Variants in OPCML observed in about 807,000 individuals in gnomAD.
The protein encoded by OPCML is opioid-binding protein/cell adhesion molecule.
Under a neutral mutation model 37.8 loss-of-function variants are expected in OPCML, and 13 were observed. That is an observed-to-expected ratio of 0.34 (90% CI 0.22 to 0.55). OPCML has a LOEUF of 0.55. Among genes scored for constraint, OPCML ranks in the 20% least tolerant of loss-of-function variants. The pLI is 0.91. For synonymous variants in OPCML, 176 were observed against 168.8 expected (o/e 1.04, Z -0.33); for missense variants, 341 against 435.6 (o/e 0.78, Z 1.93).
intron 2 of OPCML, among the ~76,000 whole-genome samples, chr11:132,825,898 C>T (rs1204331310): frequency 6.6e-6 from 1 of 152,184 alleles, no homozygotes; most frequent in African/African-American, 2.4e-5. Flanking sequence ...ATTACTCTTG[C>T]TTTTCCTGCT....
At chr11:133,100,361 C>G (rs1187997721) in intron 1 of OPCML, among the ~76,000 whole-genome samples, 1 of 152,176 alleles carries the variant, frequency 6.6e-6, no homozygotes, top group Non-Finnish European at 1.5e-5. Flanking sequence ...TCAATATTAT[C>G]AAGATGTCAG....
rs1949021939 is a variant in OPCML, at chr11:133,097,547, G to A, written c.62-154537C>T. On this transcript the variant is annotated intron_variant, in intron 1 of 7. Coordinates refer to ENST00000524381, the MANE Select transcript of OPCML (RefSeq NM_001012393.5). ...ACAAACGTCAATGAAATAGAAAAGA[G>A]AAAATGAACAGAGAAAATCAATGAA... Among the ~76,000 whole-genome samples the A allele has an allele frequency of 2.0e-5, 3 of 151,904 alleles. No homozygotes were observed. In the South Asian group the frequency reaches 6.2e-4, roughly 32 times the overall value.
chr11:133,010,137 T>G (rs1461476653), intron 1 of OPCML, among the ~76,000 whole-genome samples: 1 of 152,202 alleles, frequency 6.6e-6, no homozygotes, highest in East Asian at 1.9e-4. Context: ...CTCAGAAGTC[T>G]CCTCCATAGT....
At chr11:132,677,783 C>CA (rs1371481291) in intron 2 of OPCML, among the ~76,000 whole-genome samples, 1 of 151,968 alleles carries the variant, frequency 6.6e-6, no homozygotes, top group Non-Finnish European at 1.5e-5. Context: ...ACAGATAAAA[C>CA]AAAAAATTCT....
chr11:132,651,834 T>C (rs531803237), intron 3 of OPCML, among the ~76,000 whole-genome samples: 1 of 152,322 alleles, frequency 6.6e-6, no homozygotes, highest in East Asian at 1.9e-4. Context: ...AAGAATTTAA[T>C]AAAATTCATC....
intron 1 of OPCML, among the ~76,000 whole-genome samples, chr11:133,103,704 C>G (rs890569564): frequency 9.9e-5 from 15 of 152,224 alleles, no homozygotes; most frequent in African/African-American, 3.6e-4. Flanking sequence ...CATCTCCCCA[C>G]TCACTATTAC....
rs569838780 is a variant in OPCML, at chr11:133,471,452, G to T, written c.61+60812C>A. 5.3e-5 allele frequency among the ~76,000 whole-genome samples: 8 copies of T among 152,150 alleles called. 1 individual carries two copies. The highest frequency in any genetic ancestry group is 5.2e-4 in the Admixed American group (8 of 15,270). ...GAAGAGACAGACAGAGAGCTAGAGA[G>T]AATATTGGCTTGTATATGCATATAA... On this transcript the variant is annotated intron_variant, in intron 1 of 7. Transcript: ENST00000524381.
At chr11:133,364,085 C>T (rs538253901) in intron 1 of OPCML, among the ~76,000 whole-genome samples, 31 of 152,300 alleles carry the variant, frequency 2.0e-4, no homozygotes, top group Non-Finnish European at 3.5e-4. Flanking sequence ...CCAGCTCCAA[C>T]GTCCCCTTTT....
chr11:133,023,444 T>C (rs1365081215), intron 1 of OPCML, among the ~76,000 whole-genome samples: 1 of 152,192 alleles, frequency 6.6e-6, no homozygotes, highest in Non-Finnish European at 1.5e-5. Context: ...TTAATAAGAA[T>C]GTAGATGAAC....
chr11:133,146,046 A>G (rs1427973825), intron 1 of OPCML, among the ~76,000 whole-genome samples: 2 of 152,194 alleles, frequency 1.3e-5, no homozygotes, highest in Non-Finnish European at 2.9e-5. Context: ...TAGATCCATG[A>G]TTGAAGCGAG....
At chr11:133,057,764 C>A (rs1291319018) in intron 1 of OPCML, among the ~76,000 whole-genome samples, 1 of 152,156 alleles carries the variant, frequency 6.6e-6, no homozygotes, top group Non-Finnish European at 1.5e-5. Context: ...TCTGTTCAAT[C>A]CATTGGGTTT....
intron 2 of OPCML, among the ~76,000 whole-genome samples, chr11:132,935,571 T>C (rs759463380): frequency 6.6e-6 from 1 of 152,216 alleles, no homozygotes; most frequent in Non-Finnish European, 1.5e-5. Flanking sequence ...TTTCTAAAAA[T>C]TGTATTGATC....
At chr11:133,356,714 ACCTGTC>A (rs1944299783) in intron 1 of OPCML, among the ~76,000 whole-genome samples, 2 of 152,164 alleles carry the variant, frequency 1.3e-5, no homozygotes, top group Non-Finnish European at 2.9e-5. Context: ...CTGGCATGGA[ACCTGTC>A]CAGGTTTTGT....
At chr11:133,260,879 T>A (rs1286402474) in intron 1 of OPCML, among the ~76,000 whole-genome samples, 2 of 152,042 alleles carry the variant, frequency 1.3e-5, no homozygotes. Flanking sequence ...ATAGATTTTT[T>A]TTTTTCTGAA....
chr11:132,574,181 C>T (rs2096444596), intron 3 of OPCML, among the ~76,000 whole-genome samples: 1 of 139,988 alleles, frequency 7.1e-6, no homozygotes. Flanking sequence ...AAAGGCAATT[C>T]TTAGTTTCAT....
chr11:133,494,769 C>A (rs1312198202), intron 1 of OPCML, among the ~76,000 whole-genome samples: 3 of 142,040 alleles, frequency 2.1e-5, no homozygotes, highest in Non-Finnish European at 4.5e-5. Context: ...ATACCTAATG[C>A]TAAATGACGA....
intron 1 of OPCML, among the ~76,000 whole-genome samples, chr11:133,017,271 C>T (rs1947351390): frequency 6.6e-6 from 1 of 152,204 alleles, no homozygotes; most frequent in Non-Finnish European, 1.5e-5. Flanking sequence ...AACATCATCA[C>T]ACCTGGACTA....
At chr11:133,008,935 C>A (rs1444499754) in intron 1 of OPCML, 1 of 985,270 alleles carries the variant, frequency 1.0e-6, no homozygotes, top group Non-Finnish European at 1.2e-6. Flanking sequence ...GGAGTCACAG[C>A]AAGAAGACTG....
chr11:132,859,122 C>T (rs1251511145), intron 2 of OPCML: 1 of 152,108 alleles, frequency 6.6e-6, no homozygotes, highest in Non-Finnish European at 1.5e-5. Context: ...TGAAATAAGG[C>T]AGCTGGACTT....
Sources: gnomAD v4.1 joint callset for allele counts (sites outside exome capture counted in the v4.1 genomes callset) on GRCh38, gnomAD v4.1.1 for gene constraint, MANE v1.5 for transcripts, NCBI Gene and HGNC (gene_info 2026-07-23, HGNC 2026-07-21) for gene names.